STOX2: variants seen among roughly 807,000 people sequenced by gnomAD.
STOX2 encodes storkhead-box protein 2.
In STOX2, 28 loss-of-function variants were observed where a neutral mutation model predicts 60.9. That is an observed-to-expected ratio of 0.46 (90% CI 0.34 to 0.63). The LOEUF (loss-of-function observed/expected upper bound fraction) is 0.63, where lower values mean the gene tolerates loss of function less well. Ranked by LOEUF, STOX2 falls within the 30% of genes least tolerant of loss-of-function variation. STOX2 has a pLI of 0.01. For synonymous variants in STOX2, 472 were observed against 463.9 expected, an observed-to-expected ratio of 1.02 and a Z score of -0.22; for missense variants, 1,024 against 1,187.7, an observed-to-expected ratio of 0.86 and a Z score of 2.03.
rs1733612945 is a variant in STOX2, at chr4:184,001,973, T to C, written c.319+496T>C. Among the ~76,000 whole-genome samples the C allele has an allele frequency of 6.6e-6, 1 of 152,192 alleles. No individual in the cohort carries two copies. Among genetic ancestry groups the C allele is most frequent in the Non-Finnish European group, 1.5e-5 (1 of 68,038 alleles). On this transcript the variant is annotated intron_variant, in intron 2 of 3. Coordinates refer to ENST00000308497, the MANE Select transcript of STOX2 (RefSeq NM_020225.3). The surrounding 1 kb of genome is among the most constrained non-coding windows in gnomAD (Gnocchi z 4.2). Reference sequence around the variant, plus strand: ...ATACTTACTTTTCTCTTAAATGTTATAAAAAGGAGGCAACAGCCCAGCTGC... The same window carrying C: ...ATACTTACTTTTCTCTTAAATGTTACAAAAAGGAGGCAACAGCCCAGCTGC...
At chr4:183,905,219 C>A (rs1325040920), upstream of STOX2, 3 of 152,366 alleles carry the variant, frequency 2.0e-5, no homozygotes, top group East Asian at 5.8e-4. Context: ...CGTCCCGGGC[C>A]CAGCGCCCAG....
At chr4:183,862,357 G>GT (rs1358299673) in intron 1 of STOX2, among the ~76,000 whole-genome samples, 2 of 152,174 alleles carry the variant, frequency 1.3e-5, no homozygotes, top group Non-Finnish European at 2.9e-5. Flanking sequence ...TGTATTTTGA[G>GT]TAGAGACAGG....
chr4:183,993,991 G>T (rs1462848081), intron 1 of STOX2, among the ~76,000 whole-genome samples: 3 of 152,170 alleles, frequency 2.0e-5, no homozygotes, highest in African/African-American at 7.2e-5. Flanking sequence ...TCTGTTAAAA[G>T]AGCCAAACAG....
intron 1 of STOX2, among the ~76,000 whole-genome samples, chr4:183,886,285 C>CCG (rs1741080120): frequency 6.6e-6 from 1 of 151,608 alleles, no homozygotes; most frequent in East Asian, 1.9e-4. Flanking sequence ...GGTGAAGGTT[C>CCG]AGATGGTTGC....
chr4:184,003,111 T>G (rs1278306272), intron 2 of STOX2, among the ~76,000 whole-genome samples: 1 of 152,246 alleles, frequency 6.6e-6, no homozygotes, highest in African/African-American at 2.4e-5. Context: ...TGGGGACAGA[T>G]AGTGTTGCCA....
At chr4:183,805,443 T>C (rs1391902298) in intron 1 of STOX2, among the ~76,000 whole-genome samples, 15 of 152,228 alleles carry the variant, frequency 9.9e-5, no homozygotes, top group Non-Finnish European at 1.5e-5. Context: ...TTTTTTAATT[T>C]ATAGTATACT....
chr4:183,926,542 A>G (rs2111108455), intron 1 of STOX2, among the ~76,000 whole-genome samples: 1 of 152,336 alleles, frequency 6.6e-6, no homozygotes, highest in African/African-American at 2.4e-5. Flanking sequence ...CTAGGATTCA[A>G]ATCTGGATCT....
At chr4:183,799,667 C>CT (rs57246129) in intron 1 of STOX2, among the ~76,000 whole-genome samples, 138,980 of 151,546 alleles carry the variant, frequency 0.92, 64,434 homozygotes, top group South Asian at 0.99. Flanking sequence ...CCTACCCGTA[C>CT]TTTTTTGAAA....
intron 1 of STOX2, among the ~76,000 whole-genome samples, chr4:183,822,020 C>A (rs947690308): frequency 6.6e-6 from 1 of 152,208 alleles, no homozygotes; most frequent in Non-Finnish European, 1.5e-5. Context: ...GTGCCTAGGT[C>A]TCTGGGATTT....
chr4:183,906,758 C>T lies in STOX2; in HGVS notation c.-33C>T. On this transcript the variant is annotated 5_prime_UTR_variant, in exon 1 of 4. Coordinates refer to ENST00000308497, the MANE Select transcript of STOX2 (RefSeq NM_020225.3). ...GCGCTGCGCCCCGGCGCTGAGGCCC[C>T]GAGGATCGGGGCGGCAGGTCGCCCT... 1 of 1,492,980 alleles carries T rather than the reference C, an allele frequency of 6.7e-7. No homozygotes were observed. The highest frequency in any genetic ancestry group is 1.3e-5 in the South Asian group (1 of 77,238). The allele number at this position is 1,492,980 out of a possible 1,614,324, so 92.5% of individuals were successfully genotyped here.
chr4:183,925,353 C>G (rs187635895), intron 1 of STOX2, among the ~76,000 whole-genome samples: 1 of 152,156 alleles, frequency 6.6e-6, no homozygotes, highest in East Asian at 1.9e-4. Flanking sequence ...TTCAAACTCA[C>G]TTTTTTTTCG....
At chr4:183,810,986 G>A (rs1296983075) in intron 1 of STOX2, among the ~76,000 whole-genome samples, 2 of 152,224 alleles carry the variant, frequency 1.3e-5, no homozygotes, top group South Asian at 2.1e-4. Flanking sequence ...GCACGTCGGG[G>A]GTGGTGGGGG....
intron 1 of STOX2, among the ~76,000 whole-genome samples, chr4:183,833,790 G>A (rs180787715): frequency 6.7e-6 from 1 of 148,346 alleles, no homozygotes; most frequent in Non-Finnish European, 1.5e-5. Flanking sequence ...AGACCATCCC[G>A]GCTAAAAACG....
chr4:183,966,056 GA>G (rs1216486479), intron 1 of STOX2, among the ~76,000 whole-genome samples: 1 of 147,140 alleles, frequency 6.8e-6, no homozygotes, highest in Non-Finnish European at 1.5e-5. Flanking sequence ...GGTAAAGAGA[GA>G]GGGGGGCAGG....
intron 1 of STOX2, among the ~76,000 whole-genome samples, chr4:183,913,730 C>T (rs1741852881): frequency 6.6e-6 from 1 of 152,028 alleles, no homozygotes. Flanking sequence ...GAGATCGCCT[C>T]ACTGCACTCC....
At chr4:183,849,585 C>T (rs970229793) in intron 1 of STOX2, among the ~76,000 whole-genome samples, 2 of 152,166 alleles carry the variant, frequency 1.3e-5, no homozygotes, top group African/African-American at 2.4e-5. Context: ...TAATTGTTGA[C>T]GTTAAACGTC....
At chr4:183,848,333 G>C (rs1740032474) in intron 1 of STOX2, among the ~76,000 whole-genome samples, 1 of 152,168 alleles carries the variant, frequency 6.6e-6, no homozygotes, top group East Asian at 1.9e-4. Context: ...TGTAGCTCCA[G>C]ATAGCACCTC....
intron 1 of STOX2, among the ~76,000 whole-genome samples, chr4:183,997,170 AATGGCAGT>A: frequency 6.6e-6 from 1 of 152,294 alleles, no homozygotes; most frequent in East Asian, 1.9e-4. Flanking sequence ...GCTGTGATGG[AATGGCAGT>A]AGACCAGACA....
At position 183,906,615 on chromosome 4, in the gene STOX2, G is replaced by T. The variant is rs887341933; in HGVS notation, c.-176G>T. On this transcript the variant is annotated 5_prime_UTR_variant, in exon 1 of 4. Transcript: ENST00000308497. ...ATCGGAGCCTTCGCCGTGGGGGTGT[G>T]GGGGGGCGTGGGGAGGGCCGGACCC... is the stretch of plus-strand genomic sequence containing the variant. 18 of 614,560 alleles carry T rather than the reference G, an allele frequency of 2.9e-5. No homozygotes were observed. The South Asian group carries it at 3.7e-4, about 12-fold the overall frequency. 38.1% of individuals were successfully genotyped at this position (614,560 alleles called of 1,614,324 possible). A position where few individuals can be genotyped will look rare whatever the true frequency, so the allele number is the denominator to read the frequency against.
Sources: allele counts gnomAD v4.1 joint callset (sites outside exome capture counted in the v4.1 genomes callset), GRCh38; gene constraint gnomAD v4.1.1; non-coding constraint Gnocchi (gnomAD v3.1); transcripts MANE v1.5; gene names NCBI Gene and HGNC (gene_info 2026-07-23, HGNC 2026-07-21).